The following KIF22 variants were observed in gnomAD, a reference collection of about 807,000 sequenced individuals.
KIF22 encodes the protein kinesin family member 22, also known as kinesin-like protein KIF22.
A neutral mutation model predicts 73.0 loss-of-function variants in KIF22; 62 were observed. That is an observed-to-expected ratio of 0.85 (90% CI 0.69 to 1.05). KIF22 has a LOEUF of 1.05. Ranked by LOEUF, KIF22 falls within the 50% of genes least tolerant of loss-of-function variation. The pLI, the probability that KIF22 is intolerant of heterozygous loss-of-function variation, is 0.00. For missense variants in KIF22, 854 were observed against 870.1 expected (o/e 0.98, Z 0.23); for synonymous variants, 411 against 340.1 (o/e 1.21, Z -2.29).
In KIF22 at chr16:29,805,292, G is replaced by A. The variant is rs1490665482; in HGVS notation, c.1980G>A (p.Gln660=). ...ACATCCTGGGTCTCGCCGCCGGCCA[G>A]CGCTGTGGCGCCTCCTGACCGTCGT... ...KANILGLAAG[Q]RCGAS The change falls in exon 14 of 14, where the codon CAG becomes CAA. Residue 660 remains glutamine (Q), a synonymous_variant. Coordinates refer to ENST00000160827, the MANE Select transcript of KIF22 (RefSeq NM_007317.3). The A allele has an allele frequency of 6.2e-7, 1 of 1,613,654 alleles. No individual in the cohort carries two copies. The highest frequency in any genetic ancestry group is 8.5e-7 in the Non-Finnish European group (1 of 1,180,030).
Position 29,797,117 on chromosome 16 carries a change from A to G in KIF22, c.266+29A>G, listed in dbSNP as rs1236488408. The G allele has an allele frequency of 6.7e-7, 1 of 1,502,272 alleles. No individual in the cohort carries two copies. Among genetic ancestry groups the G allele is most frequent in the Non-Finnish European group, 9.0e-7 (1 of 1,111,564 alleles). 93.1% of individuals were successfully genotyped at this position (1,502,272 alleles called of 1,614,324 possible). On this transcript the variant is annotated intron_variant, in intron 2 of 13. Coordinates refer to ENST00000160827, the MANE Select transcript of KIF22 (RefSeq NM_007317.3). The surrounding 1 kb of genome is among the most constrained non-coding windows in gnomAD (Gnocchi z 4.1). ...AGGTTCAGGCCACTCCTCTTCCCTC[A>G]TGCCATCACCTCCCTCTCCTAGGCC... is the stretch of plus-strand genomic sequence containing the variant.
At position 29,798,921 on chromosome 16, in the gene KIF22, G is replaced by A; in HGVS notation, c.550-54G>A. 1 of 1,582,570 alleles carries A rather than the reference G, an allele frequency of 6.3e-7. No individual in the cohort carries two copies. Among genetic ancestry groups the A allele is most frequent in the Non-Finnish European group, 8.7e-7 (1 of 1,151,952 alleles). ...AACAGAGAAAGGAAACTGATCCCCAGGAAGAAACAGCCTCTCTATGGAGAA... is the reference window on the plus strand; with the variant it reads ...AACAGAGAAAGGAAACTGATCCCCAAGAAGAAACAGCCTCTCTATGGAGAA... On this transcript the variant is annotated intron_variant, in intron 4 of 13. Transcript: ENST00000160827. The surrounding 1 kb of genome is among the most constrained non-coding windows in gnomAD (Gnocchi z 4.1).
intron 1 of KIF22, among the ~76,000 whole-genome samples, chr16:29,794,983 T>C (rs1898913028): frequency 6.6e-6 from 1 of 151,930 alleles, no homozygotes; most frequent in South Asian, 2.1e-4. Flanking sequence ...TGAAGTCCAC[T>C]TCTGTCTGAC....
intron 8 of KIF22, among the ~76,000 whole-genome samples, chr16:29,801,734 G>A (rs544131353): frequency 1.3e-5 from 2 of 152,290 alleles, no homozygotes; most frequent in South Asian, 4.1e-4. Flanking sequence ...GTGAGAGTCA[G>A]GAAGGAAGAG....
chr16:29,791,109 G>A, intron 1 of KIF22: 1 of 1,357,652 alleles, frequency 7.4e-7, no homozygotes, highest in South Asian at 1.8e-5. Context: ...GTGAGCTTCG[G>A]TTTCTTCGTC....
At chr16:29,803,670 T>A (rs1899226059) in intron 10 of KIF22, 62 bp downstream of exon 10, 1 of 1,337,816 alleles carries the variant, frequency 7.5e-7, no homozygotes, top group Non-Finnish European at 1.0e-6. Flanking sequence ...GGAGGAAGTG[T>A]TAGGAGCAGC....
rs1014286186 is a variant in KIF22, at chr16:29,797,612, G to A, written c.266+524G>A. Among the ~76,000 whole-genome samples, 5 of 152,130 alleles carry A rather than the reference G, an allele frequency of 3.3e-5. No individual in the cohort carries two copies. The highest frequency in any genetic ancestry group is 7.4e-5 in the Non-Finnish European group (5 of 68,016). ...GATTTTCAGTAAATAAAATTTTATCGTTTATTTACATATTGTCTATAGCTG... is the reference window on the plus strand; with the variant it reads ...GATTTTCAGTAAATAAAATTTTATCATTTATTTACATATTGTCTATAGCTG... On this transcript the variant is annotated intron_variant, in intron 2 of 13. Transcript: ENST00000160827. This position sits in a 1 kb window ranked among gnomAD's most constrained non-coding sequence, Gnocchi z 4.1.
chr16:29,796,636 C>T (rs1331330772), intron 1 of KIF22, among the ~76,000 whole-genome samples: 12 of 151,830 alleles, frequency 7.9e-5, no homozygotes, highest in Admixed American at 7.9e-4. Flanking sequence ...AGACGGAGAC[C>T]AAATCCACAT....
chr16:29,801,483 T>C (rs1899135056), intron 8 of KIF22, among the ~76,000 whole-genome samples: 1 of 152,112 alleles, frequency 6.6e-6, no homozygotes, highest in South Asian at 2.1e-4. Context: ...CATGACCCCA[T>C]CTCTCAGTCT....
chr16:29,798,578 C>T lies in KIF22; in HGVS notation c.395-15C>T, dbSNP rs1596847383. The T allele has an allele frequency of 6.2e-7, 1 of 1,613,744 alleles. No individual in the cohort carries two copies. Among genetic ancestry groups the T allele is most frequent in the East Asian group, 2.2e-5 (1 of 44,866 alleles). ...GGAGAGGAAAACCTCACAGTTTTCT[C>T]CACTCTCTTCCCAGGGAAGACGCAC... On this transcript the variant is annotated splice_polypyrimidine_tract_variant and intron_variant, in intron 3 of 13. Coordinates refer to ENST00000160827, the MANE Select transcript of KIF22 (RefSeq NM_007317.3). This position sits in a 1 kb window ranked among gnomAD's most constrained non-coding sequence, Gnocchi z 4.1.
At chr16:29,804,742 C>A in intron 11 of KIF22, 72 bp from the exon 12 acceptor site, 1 of 1,245,634 alleles carries the variant, frequency 8.0e-7, no homozygotes, top group Non-Finnish European at 1.1e-6. Context: ...TGGTGCTGGG[C>A]TCCTAGTCTT....
chr16:29,798,811 C>G lies in KIF22; in HGVS notation c.549+64C>G. ...GTCAAAGTAAGACCTGGTTCTAGAA[C>G]ATGAAGCTCTGCTGTAGCAGGGAGG... On this transcript the variant is annotated intron_variant, in intron 4 of 13. Transcript: ENST00000160827. This position sits in a 1 kb window ranked among gnomAD's most constrained non-coding sequence, Gnocchi z 4.1. The G allele has an allele frequency of 6.3e-7, 1 of 1,583,646 alleles. No homozygotes were observed. Among genetic ancestry groups the G allele is most frequent in the Non-Finnish European group, 8.6e-7 (1 of 1,162,864 alleles).
intron 9 of KIF22, among the ~76,000 whole-genome samples, 164 bp downstream of exon 9, chr16:29,803,101 T>G (rs553582493): frequency 9.7e-4 from 148 of 152,156 alleles, no homozygotes; most frequent in African/African-American, 3.5e-3. Flanking sequence ...TGGCTGAACT[T>G]TGACAGACAA....
intron 10 of KIF22, 122 bp downstream of exon 10, chr16:29,803,730 G>A (rs1286493967): frequency 3.4e-6 from 3 of 890,746 alleles, no homozygotes; most frequent in Non-Finnish European, 5.2e-6. Flanking sequence ...CCCAGGGAGG[G>A]GTGAGGAGGC....
Position 29,796,931 on chromosome 16 carries a change from C to T in KIF22, c.109C>T (p.Arg37Cys), listed in dbSNP as rs1276911677. ...RCRLSKIGAT[R>C]RPPPARVRVA... ...TCGGCTAAGCAAGATTGGAGCTACT[C>T]GTCGTCCACCTCCAGCTCGCGTAAG... The change falls in exon 2 of 14, where the codon CGT (arginine) becomes TGT (cysteine). Residue 37 changes from arginine to cysteine, a missense_variant. Arg to Cys is a radical substitution (Grantham distance 180). This residue lies in a region of KIF22 where 186 missense variants were observed against 152.9 expected (regional missense o/e 1.22). Transcript: ENST00000160827. 6.8e-6 allele frequency: 11 copies of T among 1,614,148 alleles called. No individual in the cohort carries two copies. Among genetic ancestry groups the T allele is most frequent in the Admixed American group, 1.7e-5 (1 of 60,024 alleles).
rs929547077 is a variant in KIF22, at chr16:29,798,812, A to G, written c.549+65A>G. Reference sequence around the variant, plus strand: ...TCAAAGTAAGACCTGGTTCTAGAACATGAAGCTCTGCTGTAGCAGGGAGGT... The same window carrying G: ...TCAAAGTAAGACCTGGTTCTAGAACGTGAAGCTCTGCTGTAGCAGGGAGGT... On this transcript the variant is annotated intron_variant, in intron 4 of 13. Transcript: ENST00000160827. This position sits in a 1 kb window ranked among gnomAD's most constrained non-coding sequence, Gnocchi z 4.1. The G allele has an allele frequency of 1.0e-5, 16 of 1,584,394 alleles. No individual in the cohort carries two copies. The highest frequency in any genetic ancestry group is 2.2e-5 in the East Asian group (1 of 44,636).
Position 29,796,956 on chromosome 16 carries a change from G to A in KIF22, c.134G>A (p.Arg45Lys). The change falls in exon 2 of 14, where the codon AGG becomes AAG. Residue 45 changes from arginine to lysine, a missense_variant. By Grantham distance (26) the Arg-to-Lys change is conservative. Transcript: ENST00000160827. ...CGTCGTCCACCTCCAGCTCGCGTAA[G>A]GGTGGCTGTGCGACTGCGGCCATTT... Reference protein sequence around the residue: ...ATRRPPPARVRVAVRLRPFVD... With the variant: ...ATRRPPPARVKVAVRLRPFVD... 2 of 1,614,212 alleles carry A rather than the reference G, an allele frequency of 1.2e-6. No individual in the cohort carries two copies. The highest frequency in any genetic ancestry group is 1.7e-6 in the Non-Finnish European group (2 of 1,180,036).
At chr16:29,804,669 C>T in intron 11 of KIF22, 145 bp from the exon 12 acceptor site, 1 of 717,670 alleles carries the variant, frequency 1.4e-6, no homozygotes, top group Non-Finnish European at 2.5e-6. Context: ...CAGAGAGTGA[C>T]CTGAGGGCGG....
rs751928189 is a variant in KIF22, at chr16:29,805,085, CCCTGTCCCCTATCGAT to C, written c.1891-21_1891-6del. On this transcript the variant is annotated splice_polypyrimidine_tract_variant and intron_variant, in intron 12 of 13. Transcript: ENST00000160827. Reference sequence around the variant, plus strand: ...CGGGGGAGACCGGGTACCCCCGAGACCCTGTCCCCTATCGATCCTGTCCCGCCAGGTGGAGGACCTG... The same window carrying C: ...CGGGGGAGACCGGGTACCCCCGAGACCCTGTCCCGCCAGGTGGAGGACCTG... 9.3e-6 allele frequency: 15 copies of C among 1,613,050 alleles called. No homozygotes were observed. Among genetic ancestry groups the C allele is most frequent in the South Asian group, 2.2e-5 (2 of 91,048 alleles).
Sources: gnomAD v4.1 joint callset for allele counts (sites outside exome capture counted in the v4.1 genomes callset) on GRCh38, gnomAD v4.1.1 for gene constraint, gnomAD v4.1.1 regional missense constraint, Gnocchi (gnomAD v3.1) non-coding constraint, MANE v1.5 for transcripts, NCBI Gene and HGNC (gene_info 2026-07-23, HGNC 2026-07-21) for gene names.